The following MECOM variants were observed in gnomAD, a reference collection of about 807,000 sequenced individuals.
The protein encoded by MECOM is histone-lysine N-methyltransferase MECOM.
MECOM carries 13 observed loss-of-function variants against 116.3 expected under a neutral mutation model. The ratio of observed to expected loss-of-function variants is 0.11; its 90% CI spans 0.07 to 0.18. The LOEUF (loss-of-function observed/expected upper bound fraction) is 0.18. Among genes scored for constraint, MECOM ranks in the 10% least tolerant of loss-of-function variants. MECOM has a pLI of 1.00. For synonymous variants in MECOM, 528 were observed against 535.2 expected (o/e 0.99, Z 0.19); for missense variants, 1,299 against 1,509.0 (o/e 0.86, Z 2.31).
At chr3:169,414,046 A>G (rs1425061048) in intron 1 of MECOM, among the ~76,000 whole-genome samples, 1 of 152,344 alleles carries the variant, frequency 6.6e-6, no homozygotes, top group South Asian at 2.1e-4. Flanking sequence ...GCTAAGGGGC[A>G]GACTGCCTCC....
intron 2 of MECOM, among the ~76,000 whole-genome samples, chr3:169,262,137 T>C (rs1245329712): frequency 6.6e-6 from 1 of 152,250 alleles, no homozygotes; most frequent in Admixed American, 6.5e-5. Context: ...TTCTGACTTC[T>C]AATAGTAACA....
intron 1 of MECOM, among the ~76,000 whole-genome samples, chr3:169,447,560 C>G (rs1460360956): frequency 6.6e-6 from 1 of 152,126 alleles, no homozygotes; most frequent in Non-Finnish European, 1.5e-5. Context: ...GTTCCAGGTA[C>G]CATGTTAATT....
chr3:169,144,984 G>C (rs1411436822), intron 2 of MECOM: 7 of 1,561,620 alleles, frequency 4.5e-6, no homozygotes, highest in Non-Finnish European at 6.1e-6. Flanking sequence ...GCAGATTCAA[G>C]TCATTAACTC....
At chr3:169,397,225 A>G (rs1191139255) in intron 1 of MECOM, among the ~76,000 whole-genome samples, 1 of 152,216 alleles carries the variant, frequency 6.6e-6, no homozygotes, top group African/African-American at 2.4e-5. Flanking sequence ...AGATCAACAT[A>G]GTCATTGACA....
intron 2 of MECOM, among the ~76,000 whole-genome samples, chr3:169,305,877 T>C (rs1023764707): frequency 6.6e-6 from 1 of 152,090 alleles, no homozygotes; most frequent in South Asian, 2.1e-4. Flanking sequence ...TTACTTCAAC[T>C]CAGTTTTTTA....
intron 2 of MECOM, among the ~76,000 whole-genome samples, chr3:169,180,888 C>A (rs1325415063): frequency 6.7e-6 from 1 of 148,154 alleles, no homozygotes; most frequent in Non-Finnish European, 1.5e-5. Context: ...TATTTAGCAG[C>A]TACCATGTTA....
At chr3:169,432,372 G>A (rs1322152051) in intron 1 of MECOM, among the ~76,000 whole-genome samples, 1 of 152,088 alleles carries the variant, frequency 6.6e-6, no homozygotes, top group Non-Finnish European at 1.5e-5. Context: ...TGGCCAGGCT[G>A]GTCTCGAACT....
chr3:169,115,896 T>C lies in MECOM; in HGVS notation c.1976A>G (p.Asn659Ser), dbSNP rs1427986784. 1.9e-6 allele frequency: 3 copies of C among 1,614,060 alleles called. No individual in the cohort carries two copies. The South Asian group carries it at 3.3e-5, about 18-fold the overall frequency. Residue 659 changes from asparagine to serine, a missense_variant, in exon 8 of 17, where the codon AAT (asparagine) becomes AGT (serine). By Grantham distance (46) the Asn-to-Ser change is conservative (BLOSUM62 1). Coordinates refer to ENST00000651503, the MANE Select transcript of MECOM (RefSeq NM_004991.4). ...AGAAGCAATAGCCTTTATAGAATCA[T>C]TCACAGCTCCTGACACCGCAGTCTG... ...EEQTAVSGAV[N>S]DSIKAIASIA...
chr3:169,243,915 T>C (rs949130448), intron 2 of MECOM, among the ~76,000 whole-genome samples: 1 of 152,160 alleles, frequency 6.6e-6, no homozygotes. Flanking sequence ...GGCCTAACCC[T>C]CAAAAGTCTC....
chr3:169,102,189 C>T lies in MECOM; in HGVS notation c.2642G>A (p.Ser881Asn). 1.2e-6 allele frequency: 2 copies of T among 1,613,718 alleles called. No individual in the cohort carries two copies. The highest frequency in any genetic ancestry group is 1.7e-6 in the Non-Finnish European group (2 of 1,179,752). ...GGCCTCAGGTTTCAGGGCACTGAAG[C>T]TCTCTAGCTTTTCTGCCATGTTTTC... ...AIENMAEKLE[S>N]FSALKPEASE... The change falls in exon 11 of 17, where the codon AGC (serine) becomes AAC (asparagine). Residue 881 changes from serine to asparagine, a missense_variant. Transcript: ENST00000651503.
At chr3:169,263,426 C>A (rs1020175257) in intron 2 of MECOM, among the ~76,000 whole-genome samples, 1 of 151,568 alleles carries the variant, frequency 6.6e-6, no homozygotes, top group African/African-American at 2.4e-5. Context: ...CCGCGCCCTG[C>A]CAAGATGAAA....
intron 1 of MECOM, among the ~76,000 whole-genome samples, chr3:169,468,706 A>G (rs559845034): frequency 6.6e-6 from 1 of 152,386 alleles, no homozygotes; most frequent in Admixed American, 6.5e-5. Context: ...TTGTTAATGC[A>G]TTATCATTAA....
intron 2 of MECOM, among the ~76,000 whole-genome samples, chr3:169,360,318 C>CAAA (rs1301938843): frequency 1.3e-4 from 8 of 63,748 alleles, no homozygotes; most frequent in African/African-American, 2.1e-4. Context: ...AAAAGTTACA[C>CAAA]CAAAAAAAAA....
At chr3:169,658,711 A>T (rs753631653) in intron 1 of MECOM, among the ~76,000 whole-genome samples, 17 of 152,202 alleles carry the variant, frequency 1.1e-4, no homozygotes, top group Non-Finnish European at 1.0e-4. Context: ...CCTCAGCACC[A>T]GACGGTTTTG....
At chr3:169,441,966 C>G (rs953633933) in intron 1 of MECOM, among the ~76,000 whole-genome samples, 1 of 151,914 alleles carries the variant, frequency 6.6e-6, no homozygotes, top group Non-Finnish European at 1.5e-5. Context: ...CTCTCTGTTG[C>G]CCAGGCCGGA....
intron 7 of MECOM, among the ~76,000 whole-genome samples, chr3:169,117,250 C>A (rs1025225164): frequency 9.2e-5 from 14 of 152,146 alleles, no homozygotes; most frequent in African/African-American, 3.4e-4. Flanking sequence ...GGGAAAAAGC[C>A]TGTGACTGCC....
intron 2 of MECOM, among the ~76,000 whole-genome samples, chr3:169,233,594 C>G (rs1753678692): frequency 6.6e-6 from 1 of 152,042 alleles, no homozygotes; most frequent in African/African-American, 2.4e-5. Context: ...ATAAGCAGTT[C>G]CATACACACA....
intron 2 of MECOM, among the ~76,000 whole-genome samples, chr3:169,156,157 C>G (rs1309471719): frequency 6.6e-6 from 1 of 152,088 alleles, no homozygotes; most frequent in Admixed American, 6.6e-5. Flanking sequence ...TAACTTCACC[C>G]AATGGATAAA....
At chr3:169,370,297 G>A (rs1182114477) in intron 2 of MECOM, among the ~76,000 whole-genome samples, 1 of 151,980 alleles carries the variant, frequency 6.6e-6, no homozygotes, top group Non-Finnish European at 1.5e-5. Context: ...AATAAATGGT[G>A]CTGAGAAAAC....
Sources: allele counts gnomAD v4.1 joint callset (sites outside exome capture counted in the v4.1 genomes callset), GRCh38; gene constraint gnomAD v4.1.1; transcripts MANE v1.5; gene names NCBI Gene and HGNC (gene_info 2026-07-23, HGNC 2026-07-21).